Variants in CADM2 observed in about 807,000 individuals in gnomAD.
CADM2 encodes immunoglobulin superfamily member 4D.
Under a neutral mutation model 49.8 loss-of-function variants are expected in CADM2, and 12 were observed. The ratio of observed to expected loss-of-function variants is 0.24; its 90% CI spans 0.15 to 0.39. The LOEUF (loss-of-function observed/expected upper bound fraction) is 0.39, where lower values mean the gene tolerates loss of function less well. Ranked by LOEUF, CADM2 falls within the 10% of genes least tolerant of loss-of-function variation. The pLI, the probability that CADM2 is intolerant of heterozygous loss-of-function variation, is 1.00. For missense variants in CADM2, 378 were observed against 492.3 expected (o/e 0.77, Z 2.20); for synonymous variants, 214 against 175.4 (o/e 1.22, Z -1.74).
At chr3:85,961,693 T>C in intron 8 of CADM2, 46 bp downstream of exon 8, 1 of 1,378,566 alleles carries the variant, frequency 7.3e-7, no homozygotes, top group Non-Finnish European at 9.7e-7. Flanking sequence ...ATGCATAACT[T>C]GAAAAACTAT....
chr3:85,385,037 G>C (rs971134845), intron 1 of CADM2, among the ~76,000 whole-genome samples: 1 of 152,084 alleles, frequency 6.6e-6, no homozygotes, highest in African/African-American at 2.4e-5. Context: ...CAAGGCTGAA[G>C]TGATTCTCCT....
At chr3:85,383,462 G>T (rs774850914) in intron 1 of CADM2, among the ~76,000 whole-genome samples, 6 of 143,860 alleles carry the variant, frequency 4.2e-5, no homozygotes, top group Admixed American at 2.8e-4. Flanking sequence ...TCATACACAA[G>T]ATTGTGGAAA....
At chr3:85,852,010 T>G (rs1237366694) in intron 3 of CADM2, among the ~76,000 whole-genome samples, 2 of 152,058 alleles carry the variant, frequency 1.3e-5, no homozygotes, top group African/African-American at 4.8e-5. Context: ...CATGGCAATT[T>G]TATGTACCTA....
At chr3:85,771,010 G>A (rs191338097) in intron 2 of CADM2, among the ~76,000 whole-genome samples, 256 of 152,272 alleles carry the variant, frequency 1.7e-3, no homozygotes, top group African/African-American at 5.9e-3. Flanking sequence ...CATGATAGGT[G>A]TAATTTAAAC....
In CADM2 at chr3:85,237,910, A is replaced by C. The variant is rs577538135; in HGVS notation, c.61+278242A>C. On this transcript the variant is annotated intron_variant, in intron 1 of 9. Coordinates refer to ENST00000383699, the MANE Select transcript of CADM2 (RefSeq NM_001167675.2). ...CTTAAAATTGAATTTCAATGTTTTT[A>C]TTTGATCATATATTTTTTGGAAAGT... Among the ~76,000 whole-genome samples the C allele has an allele frequency of 4.6e-5, 7 of 151,948 alleles. No homozygotes were observed. In the East Asian group the frequency reaches 1.4e-3, roughly 29 times the overall value.
At chr3:85,802,602 T>C (rs1244159514) in intron 3 of CADM2, among the ~76,000 whole-genome samples, 1 of 152,144 alleles carries the variant, frequency 6.6e-6, no homozygotes. Flanking sequence ...AGTTTAATGA[T>C]TTTATTTTCA....
At chr3:85,676,977 A>G (rs927958345) in intron 1 of CADM2, among the ~76,000 whole-genome samples, 1 of 152,160 alleles carries the variant, frequency 6.6e-6, no homozygotes, top group Admixed American at 6.5e-5. Flanking sequence ...ATATAGGTTT[A>G]TAGAACTTAC....
chr3:86,064,955 T>C (rs983680856), intron 8 of CADM2, among the ~76,000 whole-genome samples: 1 of 152,294 alleles, frequency 6.6e-6, no homozygotes, highest in East Asian at 1.9e-4. Flanking sequence ...AACCCCTGCT[T>C]TCCCGCCAAA....
At chr3:85,055,131 T>G (rs911825344) in intron 1 of CADM2, among the ~76,000 whole-genome samples, 1 of 151,924 alleles carries the variant, frequency 6.6e-6, no homozygotes, top group Admixed American at 6.6e-5. Flanking sequence ...TCATTTTCAT[T>G]CAATGCATTC....
chr3:85,134,363 G>A (rs2039350044), intron 1 of CADM2, among the ~76,000 whole-genome samples: 1 of 152,266 alleles, frequency 6.6e-6, no homozygotes, highest in Non-Finnish European at 1.5e-5. Flanking sequence ...TGGGAGCCCA[G>A]GCAGAGGAGG....
chr3:86,065,598 T>C lies in CADM2; in HGVS notation c.971-7T>C. The C allele has an allele frequency of 1.9e-6, 3 of 1,609,286 alleles. No homozygotes were observed. The highest frequency in any genetic ancestry group is 2.5e-6 in the Non-Finnish European group (3 of 1,178,520). On this transcript the variant is annotated splice_region_variant and splice_polypyrimidine_tract_variant and intron_variant, in intron 8 of 9. Coordinates refer to ENST00000383699, the MANE Select transcript of CADM2 (RefSeq NM_001167675.2). Reference sequence around the variant, plus strand: ...TAAATAGAACAATATTTTCCTGTCTTTTCCAGATCCTAATGCTTTGGCTGG... The same window carrying C: ...TAAATAGAACAATATTTTCCTGTCTCTTCCAGATCCTAATGCTTTGGCTGG...
chr3:85,340,088 T>C (rs1161071909), intron 1 of CADM2, among the ~76,000 whole-genome samples: 2 of 151,408 alleles, frequency 1.3e-5, no homozygotes, highest in Non-Finnish European at 3.0e-5. Flanking sequence ...CATGTGAATA[T>C]TTTTCTACCA....
chr3:85,175,171 T>C (rs2040745308), intron 1 of CADM2, among the ~76,000 whole-genome samples: 1 of 152,122 alleles, frequency 6.6e-6, no homozygotes, highest in Non-Finnish European at 1.5e-5. Context: ...GATGCAGAGA[T>C]ACTGAAAGCA....
intron 8 of CADM2, among the ~76,000 whole-genome samples, chr3:86,035,675 C>T (rs1735072122): frequency 6.6e-6 from 1 of 152,076 alleles, no homozygotes; most frequent in Admixed American, 6.6e-5. Context: ...TCCAGCTCTT[C>T]ATAATGACTG....
chr3:85,224,124 T>G (rs904787174), intron 1 of CADM2, among the ~76,000 whole-genome samples: 1 of 152,162 alleles, frequency 6.6e-6, no homozygotes, highest in Non-Finnish European at 1.5e-5. Flanking sequence ...TACCCAATAG[T>G]GTGATTGCTG....
intron 6 of CADM2, among the ~76,000 whole-genome samples, chr3:85,915,445 C>G (rs1378693540): frequency 6.6e-6 from 1 of 152,084 alleles, no homozygotes; most frequent in African/African-American, 2.4e-5. Context: ...CTAAATGTTT[C>G]TTTAAGCGTG....
At chr3:85,437,779 GT>G (rs2037001042) in intron 1 of CADM2, among the ~76,000 whole-genome samples, 1 of 151,744 alleles carries the variant, frequency 6.6e-6, no homozygotes, top group Non-Finnish European at 1.5e-5. Context: ...TCCATTTATT[GT>G]TCCTTTTTTC....
At chr3:85,488,182 A>G (rs1312724721) in intron 1 of CADM2, among the ~76,000 whole-genome samples, 1 of 152,210 alleles carries the variant, frequency 6.6e-6, no homozygotes, top group Non-Finnish European at 1.5e-5. Context: ...TAAAGGTCTT[A>G]CTAAGCCTGT....
intron 2 of CADM2, among the ~76,000 whole-genome samples, chr3:85,732,094 C>CAAAAAAAAAAAAA (rs3044020): frequency 2.2e-5 from 2 of 90,824 alleles, no homozygotes; most frequent in Non-Finnish European, 4.2e-5. Context: ...CTAAGAATAC[C>CAAAAAAAAAAAAA]AAAAAAAAAA....
Sources: gnomAD v4.1 joint callset for allele counts (sites outside exome capture counted in the v4.1 genomes callset) on GRCh38, gnomAD v4.1.1 for gene constraint, MANE v1.5 for transcripts, NCBI Gene and HGNC (gene_info 2026-07-23, HGNC 2026-07-21) for gene names.